Variants in STOX2 observed in about 807,000 individuals in gnomAD.
STOX2 encodes storkhead-box protein 2.
In STOX2, 28 loss-of-function variants were observed where a neutral mutation model predicts 60.9. That is an observed-to-expected ratio of 0.46 (90% CI 0.34 to 0.63). The LOEUF (loss-of-function observed/expected upper bound fraction) is 0.63, where lower values mean the gene tolerates loss of function less well. STOX2 is among the 30% of genes least tolerant of loss of function. The pLI, the probability that STOX2 is intolerant of heterozygous loss-of-function variation, is 0.01. For missense variants in STOX2, 1,024 were observed against 1,187.7 expected (o/e 0.86, Z 2.03); for synonymous variants, 472 against 463.9 (o/e 1.02, Z -0.22).
Position 184,021,953 on chromosome 4 carries a change from G to C in STOX2, c.*4669G>C, listed in dbSNP as rs1970895. The C allele has an allele frequency of 0.35, 53,166 of 152,012 alleles. 9,623 individuals are homozygous for C. Among genetic ancestry groups the C allele is most frequent in the East Asian group, 0.65 (3,350 of 5,140 alleles). 9.4% of individuals were successfully genotyped at this position (152,012 alleles called of 1,614,324 possible). On this transcript the variant is annotated 3_prime_UTR_variant, in exon 4 of 4. Transcript: ENST00000308497. ...CCCCCATCTCCCCCAGGACCATCCC[G>C]CCCATTGTCAACGTCATCCAGGGCT...
At chr4:183,992,639 T>A (rs1733160138) in intron 1 of STOX2, among the ~76,000 whole-genome samples, 1 of 152,232 alleles carries the variant, frequency 6.6e-6, no homozygotes, top group South Asian at 2.1e-4. Context: ...ATCTGGGAGA[T>A]CTTACTAATT....
chr4:183,946,259 G>T (rs1742883692), intron 1 of STOX2, among the ~76,000 whole-genome samples: 1 of 152,162 alleles, frequency 6.6e-6, no homozygotes, highest in South Asian at 2.1e-4. Context: ...TGCGACTTCA[G>T]GCAAATTACA....
At chr4:183,849,652 G>T (rs1437626207) in intron 1 of STOX2, among the ~76,000 whole-genome samples, 5 of 152,194 alleles carry the variant, frequency 3.3e-5, no homozygotes, top group African/African-American at 1.2e-4. Context: ...GATTATATGA[G>T]ATTGGGATGT....
chr4:183,913,597 C>A (rs1741845520), intron 1 of STOX2, among the ~76,000 whole-genome samples: 1 of 152,086 alleles, frequency 6.6e-6, no homozygotes, highest in African/African-American at 2.4e-5. Flanking sequence ...ATGGTGAAAC[C>A]CCGTCTCTAC....
In STOX2 at chr4:183,930,310, C is replaced by T. The variant is rs188474129; in HGVS notation, c.166+23354C>T. 7.0e-3 allele frequency among the ~76,000 whole-genome samples: 1,060 copies of T among 151,864 alleles called. 5 individuals are homozygous for T. Among genetic ancestry groups the T allele is most frequent in the Middle Eastern group, 0.017 (5 of 294 alleles). ...CCTCCAGAGTAGCTGGGACTACAGA[C>T]GTGCGCCACCAAGCCCAGCTAAGTT... On this transcript the variant is annotated intron_variant, in intron 1 of 3. Transcript: ENST00000308497.
intron 1 of STOX2, among the ~76,000 whole-genome samples, chr4:183,899,238 A>G (rs895424571): frequency 6.6e-6 from 1 of 152,166 alleles, no homozygotes; most frequent in African/African-American, 2.4e-5. Flanking sequence ...CTGGCTCAAC[A>G]GTATTGAAAC....
chr4:184,009,735 C>T lies in STOX2; in HGVS notation c.897C>T (p.Asp299=), dbSNP rs377137784. 1.7e-5 allele frequency: 27 copies of T among 1,613,536 alleles called. No individual in the cohort carries two copies. Among genetic ancestry groups the T allele is most frequent in the Admixed American group, 6.7e-5 (4 of 59,968 alleles). The change falls in exon 3 of 4, where the codon GAC becomes GAT. Residue 299 remains aspartate (D), a synonymous_variant. Transcript: ENST00000308497. This position sits in a 1 kb window ranked among gnomAD's most constrained non-coding sequence, Gnocchi z 4.0. ...CTCCTGAAGAGTGGCCCCTGCGAGACGAGGACACGCCAGCTACGATCCCTC... is the reference window on the plus strand; with the variant it reads ...CTCCTGAAGAGTGGCCCCTGCGAGATGAGGACACGCCAGCTACGATCCCTC... The part of the protein sequence containing the change: ...QFPPEEWPLR[D]EDTPATIPRE...
intron 1 of STOX2, among the ~76,000 whole-genome samples, chr4:183,885,786 T>G (rs544300882): frequency 1.3e-5 from 2 of 152,244 alleles, no homozygotes; most frequent in African/African-American, 4.8e-5. Flanking sequence ...TTGATGATAA[T>G]TGACCAATAG....
chr4:183,837,594 G>T (rs1739746964), intron 1 of STOX2, among the ~76,000 whole-genome samples: 1 of 152,056 alleles, frequency 6.6e-6, no homozygotes, highest in Admixed American at 6.6e-5. Flanking sequence ...ACGTAGCTGG[G>T]ATTACAGACG....
intron 1 of STOX2, among the ~76,000 whole-genome samples, chr4:183,838,847 C>A (rs1424928389): frequency 6.6e-6 from 1 of 152,218 alleles, no homozygotes; most frequent in African/African-American, 2.4e-5. Flanking sequence ...CGTGGTTACA[C>A]ACTCATCACC....
At chr4:183,969,626 G>GTTT (rs36043193) in intron 1 of STOX2, among the ~76,000 whole-genome samples, 5 of 148,120 alleles carry the variant, frequency 3.4e-5, no homozygotes, top group African/African-American at 1.2e-4. Flanking sequence ...GGGTTGCAGG[G>GTTT]TTTTTTTTTT....
chr4:183,937,097 G>A (rs1447867836), intron 1 of STOX2, among the ~76,000 whole-genome samples: 1 of 152,194 alleles, frequency 6.6e-6, no homozygotes, highest in Non-Finnish European at 1.5e-5. Context: ...GGCAGTGTAT[G>A]CATGTCTTTG....
At chr4:183,847,601 C>T (rs2111137303) in intron 1 of STOX2, among the ~76,000 whole-genome samples, 1 of 152,272 alleles carries the variant, frequency 6.6e-6, no homozygotes, top group East Asian at 1.9e-4. Flanking sequence ...GAACCATCAC[C>T]AAGAAAGTGG....
At chr4:183,886,502 A>G (rs1413255597) in intron 1 of STOX2, among the ~76,000 whole-genome samples, 1 of 152,210 alleles carries the variant, frequency 6.6e-6, no homozygotes, top group East Asian at 1.9e-4. Flanking sequence ...TCCATTGAGG[A>G]CACTTAGGGA....
Position 183,836,897 on chromosome 4 carries a change from T to C in STOX2, c.364+38842T>C, listed in dbSNP as rs1393931373. Among the ~76,000 whole-genome samples, 4 of 152,212 alleles carry C rather than the reference T, an allele frequency of 2.6e-5. No individual in the cohort carries two copies. Among genetic ancestry groups the C allele is most frequent in the African/African-American group, 9.6e-5 (4 of 41,458 alleles). On this transcript the variant is annotated intron_variant, in intron 1 of 2. Coordinates refer to the STOX2 transcript ENST00000513034. The surrounding 1 kb of genome is among the most constrained non-coding windows in gnomAD (Gnocchi z 4.1). ...TGGTACACCTTGGAATGGATTGTCT[T>C]TTCTGTCTTTTATATAATAATTCCA...
In STOX2 at chr4:184,001,528, C is replaced by T; in HGVS notation, c.319+51C>T. 1.3e-6 allele frequency: 2 copies of T among 1,585,074 alleles called. No individual in the cohort carries two copies. The highest frequency in any genetic ancestry group is 1.7e-6 in the Non-Finnish European group (2 of 1,159,984). ...TCCAGGTGGCGGTGTGCTGTGGTCGCTCTAGGACTCACGTGGACTGTTCTG... is the reference window on the plus strand; with the variant it reads ...TCCAGGTGGCGGTGTGCTGTGGTCGTTCTAGGACTCACGTGGACTGTTCTG... On this transcript the variant is annotated intron_variant, in intron 2 of 3. Coordinates refer to ENST00000308497, the MANE Select transcript of STOX2 (RefSeq NM_020225.3). The surrounding 1 kb of genome is among the most constrained non-coding windows in gnomAD (Gnocchi z 4.2).
intron 1 of STOX2, among the ~76,000 whole-genome samples, chr4:183,898,016 T>C (rs894411075): frequency 5.9e-5 from 9 of 152,222 alleles, no homozygotes; most frequent in African/African-American, 2.2e-4. Flanking sequence ...TTTTAACAAA[T>C]ATATTAGGCA....
intron 1 of STOX2, among the ~76,000 whole-genome samples, chr4:183,898,441 T>A (rs923698446): frequency 6.6e-6 from 1 of 152,160 alleles, no homozygotes; most frequent in African/African-American, 2.4e-5. Flanking sequence ...CAGCTTGAGT[T>A]TGATTGTCCA....
At chr4:183,963,868 C>T (rs1338443451) in intron 1 of STOX2, among the ~76,000 whole-genome samples, 17 of 151,080 alleles carry the variant, frequency 1.1e-4, no homozygotes, top group East Asian at 2.0e-4. Flanking sequence ...CTCCGCCTCC[C>T]GGGTTCATGC....
Sources: allele counts gnomAD v4.1 joint callset (sites outside exome capture counted in the v4.1 genomes callset), GRCh38; gene constraint gnomAD v4.1.1; non-coding constraint Gnocchi (gnomAD v3.1); transcripts MANE v1.5; gene names NCBI Gene and HGNC (gene_info 2026-07-23, HGNC 2026-07-21).